CENPE: variants seen among roughly 807,000 people sequenced by gnomAD.
The protein encoded by CENPE is centromere-associated protein E.
Under a neutral mutation model 336.1 loss-of-function variants are expected in CENPE, and 145 were observed. The ratio of observed to expected loss-of-function variants is 0.43; its 90% CI spans 0.38 to 0.50. The LOEUF is 0.50. Among genes scored for constraint, CENPE ranks in the 20% least tolerant of loss-of-function variants. The pLI is 0.00. For synonymous variants in CENPE, 1,013 were observed against 984.8 expected, an observed-to-expected ratio of 1.03 and a Z score of -0.54; for missense variants, 2,719 against 3,023.3, an observed-to-expected ratio of 0.90 and a Z score of 2.36.
At chr4:103,162,413 C>T (rs1313425526) in intron 18 of CENPE, among the ~76,000 whole-genome samples, 1 of 151,950 alleles carries the variant, frequency 6.6e-6, no homozygotes, top group Non-Finnish European at 1.5e-5. Flanking sequence ...TCATCAGATT[C>T]AATGTTAGTT....
At chr4:103,110,026 C>T (rs1749249388) in intron 47 of CENPE, among the ~76,000 whole-genome samples, 1 of 152,100 alleles carries the variant, frequency 6.6e-6, no homozygotes, top group African/African-American at 2.4e-5. Flanking sequence ...GAACATGTTC[C>T]CCTGGCCTGG....
intron 24 of CENPE, among the ~76,000 whole-genome samples, chr4:103,157,186 T>C (rs1174743142): frequency 1.3e-5 from 2 of 152,018 alleles, no homozygotes; most frequent in East Asian, 3.9e-4. Flanking sequence ...TGGTGCTTTC[T>C]CAAAAAATTA....
At chr4:103,160,098 T>G (rs997810891) in intron 21 of CENPE, among the ~76,000 whole-genome samples, 33 of 151,948 alleles carry the variant, frequency 2.2e-4, no homozygotes, top group Non-Finnish European at 3.2e-4. Flanking sequence ...GTTTTTGAAG[T>G]TCTTTAGCAT....
chr4:103,136,451 C>T, intron 39 of CENPE, 92 bp from the exon 40 acceptor site: 1 of 834,014 alleles, frequency 1.2e-6, no homozygotes, highest in South Asian at 2.0e-5. Context: ...AAAACTTATG[C>T]TTTAACATTT....
At chr4:103,157,886 G>A (rs1754090231) in intron 24 of CENPE, among the ~76,000 whole-genome samples, 1 of 151,808 alleles carries the variant, frequency 6.6e-6, no homozygotes, top group South Asian at 2.1e-4. Flanking sequence ...ATAAAAATGA[G>A]ACATGTTATT....
chr4:103,185,918 A>C, intron 8 of CENPE, 57 bp from the exon 9 acceptor site: 1 of 1,159,854 alleles, frequency 8.6e-7, no homozygotes, highest in Non-Finnish European at 1.3e-6. Flanking sequence ...AATAAAATTC[A>C]AACTACTGAA....
At chr4:103,134,611 G>C (rs187533593) in intron 40 of CENPE, among the ~76,000 whole-genome samples, 212 of 141,316 alleles carry the variant, frequency 1.5e-3, no homozygotes, top group African/African-American at 5.4e-3. Context: ...ACTCCAGCCT[G>C]GGCAACAGAG....
chr4:103,122,061 C>A (rs556734992), intron 43 of CENPE, among the ~76,000 whole-genome samples: 309 of 152,216 alleles, frequency 2.0e-3, no homozygotes, highest in African/African-American at 7.1e-3. Flanking sequence ...TGAAGATTGA[C>A]CAACTTTCCT....
chr4:103,155,748 T>G (rs1424745742), intron 24 of CENPE, among the ~76,000 whole-genome samples: 2 of 152,188 alleles, frequency 1.3e-5, no homozygotes, highest in African/African-American at 4.8e-5. Context: ...AAAAGTTCCA[T>G]TTTCCAAGGC....
intron 18 of CENPE, among the ~76,000 whole-genome samples, chr4:103,161,981 T>A (rs1169412745): frequency 1.3e-5 from 2 of 152,126 alleles, no homozygotes; most frequent in African/African-American, 4.8e-5. Flanking sequence ...CATTTTAATA[T>A]GACTTTAGCT....
chr4:103,153,126 T>G lies in CENPE; in HGVS notation c.3158A>C (p.Asn1053Thr). ...RKIFSLIQEKNELQQMLESVI... is the reference protein window; with the variant it reads ...RKIFSLIQEKTELQQMLESVI... ...ACTCTCTAACATTTGTTGGAGTTCATTTTTCTCCTGTATTAAAGAAAATAT... is the reference window on the plus strand; with the variant it reads ...ACTCTCTAACATTTGTTGGAGTTCAGTTTTCTCCTGTATTAAAGAAAATAT... Residue 1053 changes from asparagine (N) to threonine (T), a missense_variant, in exon 25 of 49, where the codon AAT becomes ACT. Asn to Thr is a moderately conservative substitution (Grantham distance 65). Around this residue, in one of 5 missense-constraint regions of CENPE, gnomAD observed 2,437 missense variants for 2,513.3 expected, o/e 0.97. Transcript: ENST00000265148. 1 of 1,612,700 alleles carries G rather than the reference T, an allele frequency of 6.2e-7. No homozygotes were observed. The highest frequency in any genetic ancestry group is 8.5e-7 in the Non-Finnish European group (1 of 1,179,140).
intron 42 of CENPE, among the ~76,000 whole-genome samples, chr4:103,127,073 T>C (rs1231996008): frequency 7.8e-6 from 1 of 127,564 alleles, no homozygotes; most frequent in African/African-American, 3.0e-5. Context: ...TCCAGAAAAC[T>C]CATAATGCTA....
At position 103,147,422 on chromosome 4, in the gene CENPE, C is replaced by T. The variant is rs764030144; in HGVS notation, c.4068G>A (p.Thr1356=). ...SLTKERDNLK[T]IKEALEVKHD... ...GTTTAACTTCAAGGGCTTCTTTTATCGTTTTAAGGTTGTCTCTTTCCTTGG... is the reference window on the plus strand; with the variant it reads ...GTTTAACTTCAAGGGCTTCTTTTATTGTTTTAAGGTTGTCTCTTTCCTTGG... The change falls in exon 29 of 49, where the codon ACG becomes ACA. Residue 1356 remains threonine, a synonymous_variant. Transcript: ENST00000265148. 9 of 1,613,370 alleles carry T rather than the reference C, an allele frequency of 5.6e-6. No homozygotes were observed. The Admixed American group carries it at 6.7e-5, about 12-fold the overall frequency.
intron 24 of CENPE, among the ~76,000 whole-genome samples, chr4:103,157,773 C>T (rs936077453): frequency 1.3e-5 from 2 of 151,826 alleles, no homozygotes; most frequent in African/African-American, 4.8e-5. Context: ...CTACTATATA[C>T]TATTCCAAGC....
At chr4:103,172,570 A>T (rs1311662491) in intron 16 of CENPE, among the ~76,000 whole-genome samples, 1 of 152,078 alleles carries the variant, frequency 6.6e-6, no homozygotes, top group African/African-American at 2.4e-5. Flanking sequence ...TGCCACTTTT[A>T]TTCAACATAG....
Position 103,159,254 on chromosome 4 carries a change from T to A in CENPE, c.2357A>T (p.His786Leu). 1 of 1,600,160 alleles carries A rather than the reference T, an allele frequency of 6.2e-7. No individual in the cohort carries two copies. Among genetic ancestry groups the A allele is most frequent in the South Asian group, 1.1e-5 (1 of 88,720 alleles). ...EKDKLFSEVV[H>L]KESRVQGLLE... ...TAAACCTTGAACTCTACTCTCCTTATGAACTACTTCAGAAAACAATTTATC... is the reference window on the plus strand; with the variant it reads ...TAAACCTTGAACTCTACTCTCCTTAAGAACTACTTCAGAAAACAATTTATC... The change falls in exon 22 of 49, where the codon CAT becomes CTT. Residue 786 changes from histidine (H) to leucine (L), a missense_variant. Around this residue, in one of 5 missense-constraint regions of CENPE, gnomAD observed 2,437 missense variants for 2,513.3 expected, o/e 0.97. Transcript: ENST00000265148.
chr4:103,157,327 T>C (rs896025252), intron 24 of CENPE, among the ~76,000 whole-genome samples: 1 of 152,040 alleles, frequency 6.6e-6, no homozygotes, highest in African/African-American at 2.4e-5. Context: ...CAGCCAATAA[T>C]GGGTAGAAGC....
At chr4:103,188,216 G>C (rs1370871040) in intron 8 of CENPE, among the ~76,000 whole-genome samples, 1 of 152,132 alleles carries the variant, frequency 6.6e-6, no homozygotes, top group Non-Finnish European at 1.5e-5. Flanking sequence ...ACACCCCACT[G>C]TCAACGTTAG....
intron 29 of CENPE, 54 bp from the exon 30 acceptor site, chr4:103,146,161 G>A (rs1259967846): frequency 5.3e-6 from 8 of 1,515,320 alleles, no homozygotes; most frequent in Non-Finnish European, 1.8e-6. Flanking sequence ...TGTGTTTTAG[G>A]GGAAAATAAA....
Sources: gnomAD v4.1 joint callset for allele counts (sites outside exome capture counted in the v4.1 genomes callset) on GRCh38, gnomAD v4.1.1 for gene constraint, gnomAD v4.1.1 regional missense constraint, MANE v1.5 for transcripts, NCBI Gene and HGNC (gene_info 2026-07-23, HGNC 2026-07-21) for gene names.